Variants in NAALADL2 observed in about 807,000 individuals in gnomAD.
The protein encoded by NAALADL2 is inactive N-acetylated-alpha-linked acidic dipeptidase-like protein 2.
A neutral mutation model predicts 87.2 loss-of-function variants in NAALADL2; 76 were observed. The observed-to-expected ratio is 0.87, with a 90% CI of 0.72 to 1.05. The LOEUF is 1.05. Among genes scored for constraint, NAALADL2 ranks in the 50% least tolerant of loss-of-function variants. The probability of loss-of-function intolerance (pLI) is 0.00; values close to 1 mark genes in which losing one functional copy is unlikely to be tolerated. For synonymous variants in NAALADL2, 354 were observed against 331.0 expected (o/e 1.07, Z -0.75); for missense variants, 1,089 against 945.8 (o/e 1.15, Z -1.99).
At chr3:175,171,868 T>A (rs1734885907) in intron 2 of NAALADL2, among the ~76,000 whole-genome samples, 1 of 152,068 alleles carries the variant, frequency 6.6e-6, no homozygotes. Flanking sequence ...AATCTCTTTT[T>A]AGTTGAGAGT....
At chr3:174,627,586 TTG>T (rs1721703998) in intron 2 of NAALADL2, among the ~76,000 whole-genome samples, 1 of 152,232 alleles carries the variant, frequency 6.6e-6, no homozygotes, top group Admixed American at 6.5e-5. Flanking sequence ...CTACTGCATG[TTG>T]TGTTTTATCC....
intron 9 of NAALADL2, among the ~76,000 whole-genome samples, chr3:175,543,159 C>G (rs923527979): frequency 1.3e-5 from 2 of 152,124 alleles, no homozygotes; most frequent in African/African-American, 2.4e-5. Flanking sequence ...GTTTTTTCCA[C>G]TGCCCTTCCA....
At chr3:174,516,065 G>T (rs1409529076) in intron 1 of NAALADL2, among the ~76,000 whole-genome samples, 1 of 148,364 alleles carries the variant, frequency 6.7e-6, no homozygotes, top group African/African-American at 2.4e-5. Flanking sequence ...TCATACTGTT[G>T]TACAACTGCA....
chr3:175,003,754 A>C (rs538384798), intron 1 of NAALADL2, among the ~76,000 whole-genome samples: 4 of 152,362 alleles, frequency 2.6e-5, no homozygotes, highest in African/African-American at 9.6e-5. Context: ...AATCAAAGTT[A>C]TCATAATAGT....
chr3:175,594,105 A>G (rs1222292088), intron 10 of NAALADL2, among the ~76,000 whole-genome samples: 7 of 152,068 alleles, frequency 4.6e-5, no homozygotes, highest in Non-Finnish European at 7.4e-5. Context: ...GGTAGTGAGC[A>G]TAATACCCAA....
chr3:174,582,651 G>A (rs1716300832), intron 2 of NAALADL2, among the ~76,000 whole-genome samples: 1 of 151,340 alleles, frequency 6.6e-6, no homozygotes, highest in Non-Finnish European at 1.5e-5. Flanking sequence ...GTGTGATCTC[G>A]GCTCACTGCA....
chr3:175,292,593 T>TACACACACACACACACAC (rs71164627), intron 4 of NAALADL2, among the ~76,000 whole-genome samples: 322 of 145,362 alleles, frequency 2.2e-3, no homozygotes, highest in Admixed American at 4.6e-3. Context: ...TGAGTTGGGA[T>TACACACACACACACACAC]ACACACACAC....
At chr3:175,417,828 G>A (rs1016968631) in intron 5 of NAALADL2, among the ~76,000 whole-genome samples, 1 of 152,100 alleles carries the variant, frequency 6.6e-6, no homozygotes, top group African/African-American at 2.4e-5. Context: ...ACTGTGACGT[G>A]ACAAAAATAT....
At chr3:175,176,887 C>T (rs1735775349) in intron 2 of NAALADL2, among the ~76,000 whole-genome samples, 1 of 152,008 alleles carries the variant, frequency 6.6e-6, no homozygotes, top group Admixed American at 6.6e-5. Flanking sequence ...TTTCTGACCT[C>T]CAGACTGTAT....
intron 5 of NAALADL2, among the ~76,000 whole-genome samples, chr3:175,371,739 A>C (rs1766530003): frequency 6.6e-6 from 1 of 151,508 alleles, no homozygotes; most frequent in Non-Finnish European, 1.5e-5. Flanking sequence ...CAGGAGAATC[A>C]CTTGAACCCA....
chr3:175,169,009 C>T (rs1268154818), intron 2 of NAALADL2, among the ~76,000 whole-genome samples: 1 of 151,540 alleles, frequency 6.6e-6, no homozygotes, highest in Non-Finnish European at 1.5e-5. Context: ...GTGGATCATC[C>T]AGATTAATTT....
At chr3:175,760,064 G>A (rs1485763270) in intron 13 of NAALADL2, among the ~76,000 whole-genome samples, 1 of 152,098 alleles carries the variant, frequency 6.6e-6, no homozygotes, top group Non-Finnish European at 1.5e-5. Context: ...AACATGATTT[G>A]ATATGTTGGT....
chr3:175,360,567 T>C (rs1353895654), intron 5 of NAALADL2, among the ~76,000 whole-genome samples: 1 of 152,016 alleles, frequency 6.6e-6, no homozygotes, highest in Admixed American at 6.6e-5. Flanking sequence ...GATATAAGTG[T>C]TGAGATACAG....
At chr3:175,133,020 G>A (rs1273655743) in intron 2 of NAALADL2, among the ~76,000 whole-genome samples, 1 of 151,344 alleles carries the variant, frequency 6.6e-6, no homozygotes, top group African/African-American at 2.4e-5. Context: ...TCGCAGCCAG[G>A]TAGAGGCACT....
At chr3:174,465,103 A>G (rs1716454943) in intron 1 of NAALADL2, among the ~76,000 whole-genome samples, 1 of 152,098 alleles carries the variant, frequency 6.6e-6, no homozygotes, top group African/African-American at 2.4e-5. Context: ...TGTTTTTTAA[A>G]TTTTAAAACT....
chr3:174,768,489 C>T (rs1714133438), intron 3 of NAALADL2, among the ~76,000 whole-genome samples: 1 of 152,096 alleles, frequency 6.6e-6, no homozygotes, highest in South Asian at 2.1e-4. Flanking sequence ...TGGATGAAGT[C>T]AAGTAATATA....
chr3:174,614,956 A>C (rs565215), intron 2 of NAALADL2, among the ~76,000 whole-genome samples: 24,675 of 152,216 alleles, frequency 0.16, 2,331 homozygotes, highest in African/African-American at 0.24. Context: ...TTAACTCCAC[A>C]AATTACGTAG....
chr3:175,601,623 T>G (rs1722982908), intron 10 of NAALADL2, among the ~76,000 whole-genome samples: 1 of 152,160 alleles, frequency 6.6e-6, no homozygotes, highest in Non-Finnish European at 1.5e-5. Flanking sequence ...AATCATACTA[T>G]CTCCCATAAA....
In NAALADL2 at chr3:175,631,347, C is replaced by T. The variant is rs528910034; in HGVS notation, c.1896+3961C>T. Among the ~76,000 whole-genome samples, 7 of 151,638 alleles carry T rather than the reference C, an allele frequency of 4.6e-5. No homozygotes were observed. In the South Asian group the frequency reaches 1.5e-3, roughly 31 times the overall value. On this transcript the variant is annotated intron_variant, in intron 11 of 13. Coordinates refer to ENST00000454872, the MANE Select transcript of NAALADL2 (RefSeq NM_207015.3). ...GTTAGGGCATTTAGAGTATTTATCTCCCAAGTGACATACATTAAGCAATAA... is the reference window on the plus strand; with the variant it reads ...GTTAGGGCATTTAGAGTATTTATCTTCCAAGTGACATACATTAAGCAATAA...
Sources: allele counts gnomAD v4.1 joint callset (sites outside exome capture counted in the v4.1 genomes callset), GRCh38; gene constraint gnomAD v4.1.1; transcripts MANE v1.5; gene names NCBI Gene and HGNC (gene_info 2026-07-23, HGNC 2026-07-21).